Variants in LYPD6 observed in about 807,000 individuals in gnomAD.
LYPD6 encodes the protein ly6/PLAUR domain-containing protein 6.
A neutral mutation model predicts 22.7 loss-of-function variants in LYPD6; 15 were observed. That is an observed-to-expected ratio of 0.66 (90% CI 0.44 to 1.02). The LOEUF (loss-of-function observed/expected upper bound fraction) is 1.02, where lower values mean the gene tolerates loss of function less well. Ranked by LOEUF, LYPD6 falls within the 50% of genes least tolerant of loss-of-function variation. LYPD6 has a pLI of 0.00. For missense variants in LYPD6, 189 were observed against 208.4 expected, an observed-to-expected ratio of 0.91 and a Z score of 0.57; for synonymous variants, 72 against 77.5, an observed-to-expected ratio of 0.93 and a Z score of 0.37.
chr2:149,470,129 T>C (rs1445420938), intron 4 of LYPD6, among the ~76,000 whole-genome samples: 1 of 152,182 alleles, frequency 6.6e-6, no homozygotes, highest in Non-Finnish European at 1.5e-5. Context: ...TTTCTAATGA[T>C]CCACGAGTAA....
intron 1 of LYPD6, among the ~76,000 whole-genome samples, chr2:149,380,839 G>C (rs183846741): frequency 6.6e-6 from 1 of 152,230 alleles, no homozygotes; most frequent in Non-Finnish European, 1.5e-5. Flanking sequence ...ACTGACCTTT[G>C]GGGTACTCAA....
At chr2:149,362,892 C>G (rs1361236800) in intron 1 of LYPD6, among the ~76,000 whole-genome samples, 1 of 152,122 alleles carries the variant, frequency 6.6e-6, no homozygotes, top group Non-Finnish European at 1.5e-5. Flanking sequence ...ACTTTCAACT[C>G]AAAACAGTGG....
intron 1 of LYPD6, among the ~76,000 whole-genome samples, chr2:149,371,973 T>G (rs1262473058): frequency 6.6e-6 from 1 of 152,018 alleles, no homozygotes; most frequent in African/African-American, 2.4e-5. Flanking sequence ...CTTCCAAAAT[T>G]CCAAACCCAG....
chr2:149,367,392 C>A (rs753571871), intron 1 of LYPD6, among the ~76,000 whole-genome samples: 3 of 152,138 alleles, frequency 2.0e-5, no homozygotes, highest in Admixed American at 6.6e-5. Context: ...TTGGAACTTG[C>A]CTCCTCAAAG....
chr2:149,468,721 A>G lies in LYPD6; in HGVS notation c.294A>G (p.Pro98=). 1.2e-6 allele frequency: 2 copies of G among 1,613,780 alleles called. No homozygotes were observed. The highest frequency in any genetic ancestry group is 1.1e-5 in the South Asian group (1 of 91,086). The change falls in exon 4 of 5, where the codon CCA becomes CCG. Residue 98 remains proline, a synonymous_variant. Transcript: ENST00000334166. ...NSISVTKRCV[P]LEECLSTGCR... is the part of the protein sequence containing the mutation. ...TCTCAGTCACCAAACGCTGTGTCCC[A>G]CTGGAAGAGTGCTTATCCACTGGCT...
intron 1 of LYPD6, among the ~76,000 whole-genome samples, chr2:149,379,508 G>C (rs1023095220): frequency 6.6e-6 from 1 of 152,146 alleles, no homozygotes; most frequent in Non-Finnish European, 1.5e-5. Flanking sequence ...AAAATTCTGG[G>C]TTAGTTCCTA....
intron 1 of LYPD6, among the ~76,000 whole-genome samples, chr2:149,370,146 T>A (rs1426820407): frequency 6.6e-6 from 1 of 152,182 alleles, no homozygotes; most frequent in Non-Finnish European, 1.5e-5. Context: ...CTTCTTTTGC[T>A]CCTTAAATGT....
At chr2:149,371,155 T>C (rs1336371227) in intron 1 of LYPD6, among the ~76,000 whole-genome samples, 2 of 152,156 alleles carry the variant, frequency 1.3e-5, no homozygotes, top group South Asian at 2.1e-4. Context: ...AGCCTTGACC[T>C]CTCAGTCTCA....
intron 1 of LYPD6, among the ~76,000 whole-genome samples, chr2:149,362,443 A>G (rs1681589652): frequency 6.6e-6 from 1 of 152,150 alleles, no homozygotes; most frequent in South Asian, 2.1e-4. Flanking sequence ...TGATGGGATA[A>G]AAAGGGTATA....
chr2:149,444,164 G>A (rs1196854265), intron 2 of LYPD6, among the ~76,000 whole-genome samples: 2 of 152,036 alleles, frequency 1.3e-5, no homozygotes, highest in African/African-American at 2.4e-5. Flanking sequence ...GAACTTGTGA[G>A]CTCTAGCTAT....
chr2:149,469,314 C>T (rs1452480668), intron 4 of LYPD6, among the ~76,000 whole-genome samples: 1 of 152,142 alleles, frequency 6.6e-6, no homozygotes, highest in Non-Finnish European at 1.5e-5. Context: ...TACGGAAACA[C>T]ATGGTGCCTA....
At chr2:149,436,117 T>C (rs536925545) in intron 1 of LYPD6, among the ~76,000 whole-genome samples, 1 of 152,328 alleles carries the variant, frequency 6.6e-6, no homozygotes, top group African/African-American at 2.4e-5. Context: ...TTTTGATTAA[T>C]TTTGCTTTGT....
At chr2:149,465,067 G>A (rs1223780631) in intron 3 of LYPD6, among the ~76,000 whole-genome samples, 2 of 152,188 alleles carry the variant, frequency 1.3e-5, no homozygotes, top group Non-Finnish European at 2.9e-5. Context: ...TGAACACATG[G>A]CATGAGAAGT....
chr2:149,483,827 A>G, the LYPD6 span, among the ~76,000 whole-genome samples: 29 of 152,248 alleles, frequency 1.9e-4, no homozygotes, highest in African/African-American at 6.0e-4. Context: ...CTGAAATGCT[A>G]TTGAACCTAA....
chr2:149,382,809 C>T (rs1179926333), intron 1 of LYPD6, among the ~76,000 whole-genome samples: 3 of 91,580 alleles, frequency 3.3e-5, no homozygotes, highest in African/African-American at 1.7e-4. Flanking sequence ...ATTAATATAA[C>T]AAATTTATGA....
chr2:149,468,510 A>G (rs1681256974), intron 3 of LYPD6, 135 bp from the exon 4 acceptor site: 7 of 962,752 alleles, frequency 7.3e-6, no homozygotes, highest in African/African-American at 3.3e-5. Flanking sequence ...GGGGTTGGAC[A>G]TAAACTCAAA....
At chr2:149,409,461 C>A (rs559138404) in intron 1 of LYPD6, among the ~76,000 whole-genome samples, 3 of 152,238 alleles carry the variant, frequency 2.0e-5, no homozygotes, top group African/African-American at 7.2e-5. Flanking sequence ...CTAGGGACAC[C>A]TGGTTAAGCA....
intron 1 of LYPD6, among the ~76,000 whole-genome samples, chr2:149,412,822 G>A (rs557587810): frequency 2.6e-4 from 39 of 152,222 alleles, no homozygotes; most frequent in Middle Eastern, 3.4e-3. Flanking sequence ...AATGAAAATG[G>A]AATATAGAGA....
chr2:149,427,480 C>T (rs1047621019), intron 1 of LYPD6, among the ~76,000 whole-genome samples: 6 of 152,200 alleles, frequency 3.9e-5, no homozygotes, highest in African/African-American at 1.2e-4. Context: ...ACTCCTTTCC[C>T]TTCTGGCTGT....
Sources: gnomAD v4.1 joint callset for allele counts (sites outside exome capture counted in the v4.1 genomes callset) on GRCh38, gnomAD v4.1.1 for gene constraint, MANE v1.5 for transcripts, NCBI Gene and HGNC (gene_info 2026-07-23, HGNC 2026-07-21) for gene names.